SHQ1: variants seen among roughly 807,000 people sequenced by gnomAD.
The protein encoded by SHQ1 is SHQ1, H/ACA ribonucleoprotein assembly factor.
Under a neutral mutation model 53.8 loss-of-function variants are expected in SHQ1, and 49 were observed. The observed-to-expected ratio is 0.91, with a 90% CI of 0.72 to 1.16. The LOEUF (loss-of-function observed/expected upper bound fraction) is 1.16. SHQ1 is among the 50% of genes most tolerant of loss of function. The pLI is 0.00. For synonymous variants in SHQ1, 243 were observed against 251.0 expected, an observed-to-expected ratio of 0.97 and a Z score of 0.30; for missense variants, 738 against 683.1, an observed-to-expected ratio of 1.08 and a Z score of -0.90.
chr3:72,747,464 G>A (rs534119962), downstream of SHQ1, among the ~76,000 whole-genome samples: 7 of 152,348 alleles, frequency 4.6e-5, no homozygotes, highest in African/African-American at 1.4e-4. Flanking sequence ...GATCCTGAGA[G>A]ACAGAAAACA....
chr3:72,745,880 T>C (rs531625666), downstream of SHQ1, among the ~76,000 whole-genome samples: 1 of 151,318 alleles, frequency 6.6e-6, no homozygotes, highest in Non-Finnish European at 1.5e-5. Flanking sequence ...CCTCACTCTG[T>C]CGCCCAGGCT....
chr3:72,729,425 C>A, the SHQ1 span, among the ~76,000 whole-genome samples: 1 of 152,150 alleles, frequency 6.6e-6, no homozygotes, highest in Non-Finnish European at 1.5e-5. Flanking sequence ...ATCGACCAGT[C>A]CAGATAAGGC....
intron 10 of SHQ1, among the ~76,000 whole-genome samples, chr3:72,768,289 G>C (rs1346905216): frequency 6.6e-6 from 1 of 152,234 alleles, no homozygotes; most frequent in Admixed American, 6.5e-5. Flanking sequence ...TGAGCCTGAG[G>C]GAGAGGCAGT....
intron 2 of SHQ1, among the ~76,000 whole-genome samples, chr3:72,843,101 T>C (rs1708226498): frequency 6.6e-6 from 1 of 151,974 alleles, no homozygotes; most frequent in African/African-American, 2.4e-5. Flanking sequence ...AAATTATTTA[T>C]CTGTGAAAGC....
intron 10 of SHQ1, among the ~76,000 whole-genome samples, chr3:72,770,631 A>G (rs946924233): frequency 1.3e-5 from 2 of 152,234 alleles, no homozygotes; most frequent in Admixed American, 6.5e-5. Flanking sequence ...ATAGAAGGCA[A>G]AAACTGTGAT....
At chr3:72,845,203 GC>G (rs1250314314) in intron 1 of SHQ1, among the ~76,000 whole-genome samples, 5 of 152,184 alleles carry the variant, frequency 3.3e-5, no homozygotes, top group African/African-American at 1.2e-4. Context: ...GAAGTGATTG[GC>G]TGGGCGTGGT....
intron 10 of SHQ1, among the ~76,000 whole-genome samples, chr3:72,758,014 T>C (rs1251242754): frequency 6.6e-6 from 1 of 152,214 alleles, no homozygotes; most frequent in Non-Finnish European, 1.5e-5. Flanking sequence ...TAATGACATA[T>C]CATAATTCCT....
At chr3:72,750,886 GGGGATAACA>G in intron 10 of SHQ1, 50 bp from the exon 11 acceptor site, 2 of 1,423,030 alleles carry the variant, frequency 1.4e-6, no homozygotes, top group South Asian at 3.0e-5. Flanking sequence ...TAATTGGCCT[GGGGATAACA>G]GGTTATACAG....
Position 72,762,874 on chromosome 3 carries a change from C to T in SHQ1, c.1182-12038G>A, listed in dbSNP as rs184982620. 5.5e-3 allele frequency among the ~76,000 whole-genome samples: 843 copies of T among 152,106 alleles called. 8 individuals are homozygous for T. The highest frequency in any genetic ancestry group is 0.018 in the African/African-American group (751 of 41,494). Reference sequence around the variant, plus strand: ...ATTTTTAGTAGAGACAGGGTTTCACCATGTTGGCCAGGCTGCTCTTGAACC... The same window carrying T: ...ATTTTTAGTAGAGACAGGGTTTCACTATGTTGGCCAGGCTGCTCTTGAACC... On this transcript the variant is annotated intron_variant, in intron 10 of 10. Transcript: ENST00000325599.
At chr3:72,826,961 G>C (rs1326110177) in intron 5 of SHQ1, among the ~76,000 whole-genome samples, 3 of 152,210 alleles carry the variant, frequency 2.0e-5, no homozygotes, top group Non-Finnish European at 4.4e-5. Flanking sequence ...TTGCAGCCTG[G>C]AAAATGATTT....
At chr3:72,736,680 C>T in the SHQ1 span, among the ~76,000 whole-genome samples, 4 of 147,006 alleles carry the variant, frequency 2.7e-5, no homozygotes, top group Middle Eastern at 3.4e-3. Flanking sequence ...GTAATCCCAG[C>T]TACTTGGGAG....
At chr3:72,763,062 C>CACACACACTG (rs1315245242) in intron 10 of SHQ1, among the ~76,000 whole-genome samples, 19 of 76,198 alleles carry the variant, frequency 2.5e-4, no homozygotes, top group African/African-American at 7.4e-4. Context: ...CACACACACA[C>CACACACACTG]AGAGAGAGAG....
chr3:72,769,372 G>C lies in SHQ1; in HGVS notation c.1182-18536C>G, dbSNP rs892152944. 2.6e-5 allele frequency among the ~76,000 whole-genome samples: 4 copies of C among 152,168 alleles called. No homozygotes were observed. The South Asian group carries it at 8.3e-4, about 32-fold the overall frequency. On this transcript the variant is annotated intron_variant, in intron 10 of 10. Transcript: ENST00000325599. ...CACTGAGAGCCAAAAGTGACCCAAG[G>C]GTCACTAGCTTGCAACTTCTACGTC... is the stretch of plus-strand genomic sequence containing the variant.
intron 1 of SHQ1, among the ~76,000 whole-genome samples, chr3:72,847,599 A>T (rs1411156885): frequency 6.6e-6 from 1 of 152,194 alleles, no homozygotes; most frequent in Non-Finnish European, 1.5e-5. Flanking sequence ...ACAGACCCTC[A>T]CGGAGACTTG....
At chr3:72,736,544 A>G in the SHQ1 span, among the ~76,000 whole-genome samples, 1 of 151,476 alleles carries the variant, frequency 6.6e-6, no homozygotes, top group South Asian at 2.1e-4. Context: ...TAATCCTAGC[A>G]CTTTGGGAGG....
chr3:72,788,505 G>C (rs557210335), intron 10 of SHQ1, among the ~76,000 whole-genome samples: 3 of 150,338 alleles, frequency 2.0e-5, no homozygotes, highest in African/African-American at 7.3e-5. Flanking sequence ...AGGTAGGGGG[G>C]GCGCCTCTGC....
chr3:72,817,501 C>T, intron 6 of SHQ1, 117 bp from the exon 7 acceptor site: 1 of 949,316 alleles, frequency 1.1e-6, no homozygotes, highest in East Asian at 2.7e-5. Context: ...GTTCTTTCTA[C>T]TTAACTATGG....
chr3:72,797,287 TAAAA>T (rs1041346316), intron 9 of SHQ1, among the ~76,000 whole-genome samples: 11 of 151,830 alleles, frequency 7.2e-5, no homozygotes, highest in Non-Finnish European at 8.8e-5. Flanking sequence ...AAATAAAAAA[TAAAA>T]AAACCTAGAC....
intron 4 of SHQ1, among the ~76,000 whole-genome samples, chr3:72,836,185 T>G (rs904679458): frequency 7.9e-5 from 12 of 152,332 alleles, no homozygotes; most frequent in African/African-American, 2.6e-4. Flanking sequence ...GAAGGAGAAC[T>G]GACCAATAAG....
Sources: allele counts gnomAD v4.1 joint callset (sites outside exome capture counted in the v4.1 genomes callset), GRCh38; gene constraint gnomAD v4.1.1; transcripts MANE v1.5; gene names NCBI Gene and HGNC (gene_info 2026-07-23, HGNC 2026-07-21).